The following ORC2 variants were observed in gnomAD, a reference collection of about 807,000 sequenced individuals.
The protein encoded by ORC2 is origin recognition complex subunit 2.
Under a neutral mutation model 77.7 loss-of-function variants are expected in ORC2, and 37 were observed. The ratio of observed to expected loss-of-function variants is 0.48; its 90% confidence interval spans 0.37 to 0.63. The LOEUF (loss-of-function observed/expected upper bound fraction) is 0.63. ORC2 is among the 20% of genes least tolerant of loss of function. The pLI, the probability that ORC2 is intolerant of heterozygous loss-of-function variation, is 0.00. For missense variants in ORC2, 557 were observed against 661.9 expected (o/e 0.84, Z 1.74); for synonymous variants, 201 against 229.5 (o/e 0.88, Z 1.12).
chr2:200,928,694 GT>G (rs950138507), intron 11 of ORC2, among the ~76,000 whole-genome samples: 13 of 150,880 alleles, frequency 8.6e-5, no homozygotes, highest in African/African-American at 3.2e-4. Context: ...GGCACCTGTA[GT>G]CCCAGCTACT....
At chr2:200,937,464 C>G (rs1314109786) in intron 8 of ORC2, among the ~76,000 whole-genome samples, 1 of 152,048 alleles carries the variant, frequency 6.6e-6, no homozygotes, top group East Asian at 1.9e-4. Flanking sequence ...TGTCAAGGGT[C>G]AACATTATGA....
At position 200,956,668 on chromosome 2, in the gene ORC2, T is replaced by A. The variant is rs1268827262; in HGVS notation, c.238+733A>T. 2.6e-5 allele frequency among the ~76,000 whole-genome samples: 4 copies of A among 152,052 alleles called. No homozygotes were observed. The South Asian group carries it at 8.3e-4, about 32-fold the overall frequency. On this transcript the variant is annotated intron_variant, in intron 4 of 17. Transcript: ENST00000234296. Reference sequence around the variant, plus strand: ...TTAAAAATAGTACTAGCTACTCAGGTGGCTAAGTTGGGAGGATCTCCTGAA... The same window carrying A: ...TTAAAAATAGTACTAGCTACTCAGGAGGCTAAGTTGGGAGGATCTCCTGAA...
intron 4 of ORC2, among the ~76,000 whole-genome samples, chr2:200,951,195 T>C (rs1293910553): frequency 6.6e-6 from 1 of 152,206 alleles, no homozygotes; most frequent in East Asian, 1.9e-4. Context: ...GTTCATGGCT[T>C]GATAGCTCTT....
At chr2:200,912,672 G>A (rs1169687735) in intron 17 of ORC2, among the ~76,000 whole-genome samples, 1 of 151,632 alleles carries the variant, frequency 6.6e-6, no homozygotes, top group Non-Finnish European at 1.5e-5. Context: ...TACCCACCTC[G>A]GCCTCCCAAA....
chr2:200,934,747 G>A (rs1287993490), intron 9 of ORC2, among the ~76,000 whole-genome samples: 1 of 152,010 alleles, frequency 6.6e-6, no homozygotes, highest in Non-Finnish European at 1.5e-5. Flanking sequence ...AAAAAAACTG[G>A]CCTACTATTC....
intron 15 of ORC2, among the ~76,000 whole-genome samples, chr2:200,915,879 G>C (rs1037078913): frequency 6.6e-6 from 1 of 152,084 alleles, no homozygotes; most frequent in South Asian, 2.1e-4. Flanking sequence ...ATTTTTAGTA[G>C]ACACAACGTT....
intron 15 of ORC2, among the ~76,000 whole-genome samples, chr2:200,917,605 TGA>T (rs2040678875): frequency 6.6e-6 from 1 of 152,150 alleles, no homozygotes; most frequent in Non-Finnish European, 1.5e-5. Flanking sequence ...AGGCTACAAG[TGA>T]CAAAACTGCA....
At chr2:200,936,891 T>C (rs886284612) in intron 8 of ORC2, among the ~76,000 whole-genome samples, 1 of 151,230 alleles carries the variant, frequency 6.6e-6, no homozygotes, top group African/African-American at 2.4e-5. Flanking sequence ...ACTTCCAAAA[T>C]ATGAGTGAAA....
rs1008271830 is a variant in ORC2, at chr2:200,909,418, T to C, written c.*1883A>G. 1 of 152,110 alleles carries C rather than the reference T, an allele frequency of 6.6e-6. No homozygotes were observed. The highest frequency in any genetic ancestry group is 2.4e-5 in the African/African-American group (1 of 41,424). The allele number at this position is 152,110 out of a possible 1,614,324, so 9.4% of individuals were successfully genotyped here. The stretch of plus-strand genomic sequence containing the variant: ...TTTGACTAGAGGTTATATTTAAGAC[T>C]AAGCCCTTGGCCAGGCATAGTGGCT... On this transcript the variant is annotated 3_prime_UTR_variant, in exon 18 of 18. Transcript: ENST00000234296.
chr2:200,917,390 A>G (rs541809376), intron 15 of ORC2, among the ~76,000 whole-genome samples: 1 of 152,082 alleles, frequency 6.6e-6, no homozygotes, highest in African/African-American at 2.4e-5. Flanking sequence ...GGCCTCATGC[A>G]ATCTTCCCTC....
intron 4 of ORC2, among the ~76,000 whole-genome samples, chr2:200,955,842 A>T (rs2041455979): frequency 6.6e-6 from 1 of 152,162 alleles, no homozygotes; most frequent in Non-Finnish European, 1.5e-5. Flanking sequence ...ACCCAGGAAA[A>T]ACCTAACTAA....
intron 4 of ORC2, among the ~76,000 whole-genome samples, chr2:200,952,420 C>T (rs1185333461): frequency 7.2e-5 from 11 of 152,014 alleles, no homozygotes; most frequent in Non-Finnish European, 7.4e-5. Context: ...CCACCACACC[C>T]GGCTAATTTT....
At chr2:200,945,818 G>C (rs2041240553) in intron 5 of ORC2, among the ~76,000 whole-genome samples, 1 of 151,676 alleles carries the variant, frequency 6.6e-6, no homozygotes, top group African/African-American at 2.4e-5. Flanking sequence ...TGAACATTTA[G>C]CTTGATTCCA....
At chr2:200,948,623 C>T (rs1025915511) in intron 5 of ORC2, among the ~76,000 whole-genome samples, 1 of 152,028 alleles carries the variant, frequency 6.6e-6, no homozygotes, top group African/African-American at 2.4e-5. Context: ...AGTGCAATGG[C>T]ACAATCTCGG....
Position 200,920,224 on chromosome 2 carries a change from T to C in ORC2, c.1464A>G (p.Ala488=). The C allele has an allele frequency of 6.2e-7, 1 of 1,606,440 alleles. No individual in the cohort carries two copies. The highest frequency in any genetic ancestry group is 8.5e-7 in the Non-Finnish European group (1 of 1,176,696). Residue 488 remains alanine, a splice_region_variant and synonymous_variant, in exon 15 of 18, where the codon GCA becomes GCG. Transcript: ENST00000234296. ...AGAAATATGGTTTTCATCCTTACCT[T>C]GCATTAGGGGTAAGGCTTCGTAAGA... The part of the protein sequence containing the change: ...THVLRSLTPN[A]RGIFRLLIKY...
At chr2:200,948,164 C>G (rs922863417) in intron 5 of ORC2, among the ~76,000 whole-genome samples, 1 of 151,990 alleles carries the variant, frequency 6.6e-6, no homozygotes, top group Non-Finnish European at 1.5e-5. Context: ...CCACCTGCCT[C>G]GGCCTCCCAA....
intron 11 of ORC2, 48 bp from the exon 12 acceptor site, chr2:200,926,948 T>C (rs763209471): frequency 1.9e-6 from 3 of 1,561,296 alleles, no homozygotes; most frequent in Non-Finnish European, 2.6e-6. Flanking sequence ...ATACCTCTTA[T>C]TGCCAATTTT....
intron 2 of ORC2, among the ~76,000 whole-genome samples, chr2:200,959,079 G>A (rs988477310): frequency 6.6e-6 from 1 of 151,990 alleles, no homozygotes; most frequent in Non-Finnish European, 1.5e-5. Context: ...AACCACCTGG[G>A]CTCAAGCAAT....
At chr2:200,953,736 G>C (rs1276831586) in intron 4 of ORC2, among the ~76,000 whole-genome samples, 1 of 152,194 alleles carries the variant, frequency 6.6e-6, no homozygotes, top group Non-Finnish European at 1.5e-5. Context: ...AATGAGAAAA[G>C]TTTGGGAGAT....
Sources: gnomAD v4.1 joint callset for allele counts (sites outside exome capture counted in the v4.1 genomes callset) on GRCh38, gnomAD v4.1.1 for gene constraint, MANE v1.5 for transcripts, NCBI Gene and HGNC (gene_info 2026-07-23, HGNC 2026-07-21) for gene names.